Variants in CADPS observed in about 807,000 individuals in gnomAD.
CADPS encodes the protein calcium-dependent secretion activator 1.
Under a neutral mutation model 167.3 loss-of-function variants are expected in CADPS, and 57 were observed. The observed-to-expected ratio is 0.34, with a 90% CI of 0.28 to 0.42. CADPS has a LOEUF of 0.42. Among genes scored for constraint, CADPS ranks in the 20% least tolerant of loss-of-function variants. The pLI is 1.00. For missense variants in CADPS, 1,414 were observed against 1,738.1 expected, an observed-to-expected ratio of 0.81 and a Z score of 3.32; for synonymous variants, 676 against 635.3, an observed-to-expected ratio of 1.06 and a Z score of -0.96.
At chr3:62,862,398 G>A (rs1021196944) in intron 1 of CADPS, among the ~76,000 whole-genome samples, 1 of 151,852 alleles carries the variant, frequency 6.6e-6, no homozygotes, top group Admixed American at 6.6e-5. Context: ...TATATTTTTA[G>A]TAGAGACAGG....
chr3:62,443,642 T>G (rs1407803381), intron 27 of CADPS, among the ~76,000 whole-genome samples: 1 of 152,166 alleles, frequency 6.6e-6, no homozygotes, highest in Admixed American at 6.5e-5. Context: ...GGGGCTTTTT[T>G]CCTTTCACTC....
chr3:62,673,078 G>T (rs757030521), intron 3 of CADPS, among the ~76,000 whole-genome samples: 5 of 152,168 alleles, frequency 3.3e-5, no homozygotes, highest in Non-Finnish European at 7.3e-5. Context: ...TGTGTGATTT[G>T]CTTCTTGGCA....
chr3:62,434,589 G>A (rs1269588134), intron 28 of CADPS, among the ~76,000 whole-genome samples: 14 of 152,218 alleles, frequency 9.2e-5, no homozygotes, highest in Middle Eastern at 3.4e-3. Flanking sequence ...CTTAAGTTAC[G>A]TAATAAAATA....
intron 2 of CADPS, among the ~76,000 whole-genome samples, chr3:62,754,198 A>T (rs896706838): frequency 3.3e-5 from 5 of 152,072 alleles, no homozygotes; most frequent in African/African-American, 1.2e-4. Context: ...TCTTTTTGAG[A>T]TAGTCTTGCT....
chr3:62,793,303 G>A (rs1449557699), intron 1 of CADPS, among the ~76,000 whole-genome samples: 1 of 152,134 alleles, frequency 6.6e-6, no homozygotes, highest in East Asian at 1.9e-4. Context: ...GGTATTCTTT[G>A]TAACTGGGTC....
intron 1 of CADPS, among the ~76,000 whole-genome samples, chr3:62,827,407 C>A (rs910243449): frequency 6.6e-6 from 1 of 152,130 alleles, no homozygotes; most frequent in Admixed American, 6.6e-5. Context: ...TCATTTAACC[C>A]TTATAACCCC....
rs1234538075 is a variant in CADPS at position 62,863,669 on chromosome 3, GAAGT to G, written c.441+10916_441+10919del. Among the ~76,000 whole-genome samples the G allele has an allele frequency of 2.0e-5, 3 of 152,280 alleles. No individual in the cohort carries two copies. The East Asian group carries it at 5.8e-4, about 29-fold the overall frequency. ...GGAGCAAAGATCTACTTACGCCATG[GAAGT>G]AAGTTTCGATTTTATCCTGTGCAGG... On this transcript the variant is annotated intron_variant, in intron 1 of 29. Coordinates refer to ENST00000383710, the MANE Select transcript of CADPS (RefSeq NM_003716.4).
rs2075253093 is a variant in CADPS at position 62,670,125 on chromosome 3, T to G, written c.889-7731A>C. On this transcript the variant is annotated intron_variant, in intron 3 of 29. Coordinates refer to ENST00000383710, the MANE Select transcript of CADPS (RefSeq NM_003716.4). The stretch of plus-strand genomic sequence containing the variant: ...GCCAGATGCTTAACCTCTCGGAGCA[T>G]CTACAGCTGCTGCACTAAAATAACC... Among the ~76,000 whole-genome samples the G allele has an allele frequency of 2.6e-5, 4 of 152,156 alleles. No individual in the cohort carries two copies. In the South Asian group the frequency reaches 8.3e-4, roughly 32 times the overall value.
chr3:62,435,197 C>T (rs2054746795), intron 28 of CADPS, among the ~76,000 whole-genome samples: 1 of 152,116 alleles, frequency 6.6e-6, no homozygotes, highest in South Asian at 2.1e-4. Flanking sequence ...CCCCAGGACC[C>T]CTATCATTAA....
At chr3:62,714,552 G>C (rs304202) in intron 3 of CADPS, among the ~76,000 whole-genome samples, 1 of 151,922 alleles carries the variant, frequency 6.6e-6, no homozygotes, top group Non-Finnish European at 1.5e-5. Context: ...AAGGTCATTT[G>C]GTGTAAAGCA....
chr3:62,536,667 T>C (rs2074749022), intron 11 of CADPS, 86 bp from the exon 12 acceptor site: 1 of 1,353,916 alleles, frequency 7.4e-7, no homozygotes, highest in Admixed American at 1.8e-5. Flanking sequence ...AGGAATTCAC[T>C]AGACATTATG....
intron 1 of CADPS, among the ~76,000 whole-genome samples, chr3:62,778,975 C>T (rs987848718): frequency 5.9e-5 from 9 of 151,764 alleles, no homozygotes; most frequent in Non-Finnish European, 1.0e-4. Context: ...ACTGCAACCT[C>T]CACCTGCCGG....
intron 3 of CADPS, among the ~76,000 whole-genome samples, chr3:62,752,336 A>G (rs1460124623): frequency 6.6e-6 from 1 of 152,230 alleles, no homozygotes; most frequent in Admixed American, 6.5e-5. Context: ...ATTTGTAATC[A>G]ATGTTTTCAA....
At chr3:62,852,821 A>C (rs1235641801) in intron 1 of CADPS, among the ~76,000 whole-genome samples, 1 of 152,202 alleles carries the variant, frequency 6.6e-6, no homozygotes, top group Non-Finnish European at 1.5e-5. Flanking sequence ...TTTTTCCCTC[A>C]ACACTTCATA....
At chr3:62,492,712 G>T (rs1157511068) in intron 19 of CADPS, among the ~76,000 whole-genome samples, 1 of 152,148 alleles carries the variant, frequency 6.6e-6, no homozygotes, top group Non-Finnish European at 1.5e-5. Flanking sequence ...GACAGACGTG[G>T]AACTTCTGTT....
chr3:62,682,106 C>T (rs1051768186), intron 3 of CADPS, among the ~76,000 whole-genome samples: 1 of 152,026 alleles, frequency 6.6e-6, no homozygotes, highest in Admixed American at 6.6e-5. Flanking sequence ...GCACAAGGGA[C>T]AGAGACAATT....
intron 1 of CADPS, among the ~76,000 whole-genome samples, chr3:62,861,686 T>G (rs746878233): frequency 3.3e-5 from 5 of 152,230 alleles, no homozygotes; most frequent in Non-Finnish European, 7.3e-5. Flanking sequence ...GTCGTTGTCC[T>G]GCTCAGAATT....
At position 62,833,163 on chromosome 3, in the gene CADPS, T is replaced by C. The variant is rs147935480; in HGVS notation, c.441+41426A>G. Among the ~76,000 whole-genome samples, 1,036 of 152,116 alleles carry C rather than the reference T, an allele frequency of 6.8e-3. 25 individuals are homozygous for C. The highest frequency in any genetic ancestry group is 0.041 in the Admixed American group (627 of 15,268). ...ACATACTTTTCTACTATTCTTTGAT[T>C]GATTGATTTGAGACAAGATTTTGCT... On this transcript the variant is annotated intron_variant, in intron 1 of 29. Transcript: ENST00000383710.
chr3:62,635,420 CAGA>C (rs1187142798), intron 6 of CADPS, among the ~76,000 whole-genome samples: 2 of 152,032 alleles, frequency 1.3e-5, no homozygotes, highest in African/African-American at 4.8e-5. Flanking sequence ...AGTAAATTTA[CAGA>C]AGAAGAACAT....
Sources: gnomAD v4.1 joint callset for allele counts (sites outside exome capture counted in the v4.1 genomes callset) on GRCh38, gnomAD v4.1.1 for gene constraint, MANE v1.5 for transcripts, NCBI Gene and HGNC (gene_info 2026-07-23, HGNC 2026-07-21) for gene names.